The following ANO3 variants were observed in gnomAD, a reference collection of about 807,000 sequenced individuals.
ANO3 encodes anoctamin 3.
ANO3 carries 99 observed loss-of-function variants against 144.8 expected under a neutral mutation model. The observed-to-expected ratio is 0.68, with a 90% CI of 0.58 to 0.81. ANO3 has a LOEUF of 0.81. ANO3 is among the 30% of genes least tolerant of loss of function. The probability of loss-of-function intolerance (pLI) is 0.00; values close to 1 mark genes in which losing one functional copy is unlikely to be tolerated. For synonymous variants in ANO3, 414 were observed against 392.6 expected (o/e 1.05, Z -0.64); for missense variants, 905 against 1,202.2 (o/e 0.75, Z 3.66).
chr11:26,312,454 C>G (rs1033320264), intron 1 of ANO3, among the ~76,000 whole-genome samples: 1 of 152,206 alleles, frequency 6.6e-6, no homozygotes, highest in African/African-American at 2.4e-5. Flanking sequence ...AGTTTACAGT[C>G]CCACCAACAG....
At chr11:26,569,752 A>G (rs1224950369) in intron 14 of ANO3, among the ~76,000 whole-genome samples, 1 of 152,050 alleles carries the variant, frequency 6.6e-6, no homozygotes, top group African/African-American at 2.4e-5. Flanking sequence ...ATCTAACTCT[A>G]TGTTATATAC....
chr11:26,400,639 G>T (rs372433766), intron 1 of ANO3, among the ~76,000 whole-genome samples: 2 of 151,090 alleles, frequency 1.3e-5, no homozygotes, highest in Non-Finnish European at 3.0e-5. Context: ...TAATATGTTT[G>T]CATTCTGTTA....
chr11:26,563,821 C>A (rs1263863668), intron 14 of ANO3, among the ~76,000 whole-genome samples: 1 of 151,820 alleles, frequency 6.6e-6, no homozygotes, highest in Non-Finnish European at 1.5e-5. Flanking sequence ...CAGTGCCTTG[C>A]ATATCAAGAA....
intron 5 of ANO3, among the ~76,000 whole-genome samples, chr11:26,515,395 G>A (rs1185034436): frequency 3.5e-5 from 1 of 28,942 alleles, no homozygotes; most frequent in African/African-American, 1.1e-4. Context: ...CCTCTAATGA[G>A]AAACCAAAAC....
intron 1 of ANO3, among the ~76,000 whole-genome samples, chr11:26,340,173 A>G (rs1253085069): frequency 7.6e-6 from 1 of 132,340 alleles, no homozygotes; most frequent in East Asian, 1.9e-4. Context: ...AATAACTCCT[A>G]AAGTTGTGTA....
intron 5 of ANO3, among the ~76,000 whole-genome samples, chr11:26,511,836 C>T (rs1193892975): frequency 6.6e-6 from 1 of 151,948 alleles, no homozygotes; most frequent in African/African-American, 2.4e-5. Flanking sequence ...TGCCAGATCC[C>T]ACCACAGCAT....
intron 1 of ANO3, among the ~76,000 whole-genome samples, chr11:26,246,328 T>A (rs898092357): frequency 6.6e-6 from 1 of 151,900 alleles, no homozygotes; most frequent in East Asian, 1.9e-4. Context: ...CCAGGAGTGG[T>A]AGTATTTTGT....
chr11:26,615,414 A>ATATATATT (rs1352935016), intron 17 of ANO3, among the ~76,000 whole-genome samples: 2 of 130,700 alleles, frequency 1.5e-5, no homozygotes, highest in African/African-American at 6.0e-5. Context: ...ATATATATAT[A>ATATATATT]TTTTTTTTTT....
At chr11:26,621,231 T>A (rs1409672911) in intron 17 of ANO3, among the ~76,000 whole-genome samples, 1 of 152,186 alleles carries the variant, frequency 6.6e-6, no homozygotes, top group Non-Finnish European at 1.5e-5. Context: ...AAGTCTTAGC[T>A]GAGAATGAAT....
intron 1 of ANO3, among the ~76,000 whole-genome samples, chr11:26,226,194 G>A (rs1443905880): frequency 6.6e-6 from 1 of 151,948 alleles, no homozygotes; most frequent in Non-Finnish European, 1.5e-5. Flanking sequence ...AGGCAAGAAT[G>A]GCAAATTACA....
chr11:26,256,421 T>C (rs1413442604), intron 1 of ANO3, among the ~76,000 whole-genome samples: 1 of 152,164 alleles, frequency 6.6e-6, no homozygotes, highest in Admixed American at 6.5e-5. Context: ...AAATATATAA[T>C]AATTTTTGCC....
At chr11:26,226,292 CT>C (rs1284351063) in intron 1 of ANO3, among the ~76,000 whole-genome samples, 1 of 151,444 alleles carries the variant, frequency 6.6e-6, no homozygotes, top group Admixed American at 6.6e-5. Flanking sequence ...ATTATTAAAT[CT>C]TGATTTATAG....
chr11:26,549,294 T>A (rs1400001084), intron 12 of ANO3, among the ~76,000 whole-genome samples: 2 of 151,998 alleles, frequency 1.3e-5, no homozygotes, highest in Non-Finnish European at 2.9e-5. Flanking sequence ...TGTCACACTA[T>A]AATTAAGATC....
intron 14 of ANO3, among the ~76,000 whole-genome samples, chr11:26,593,571 G>A (rs1313960909): frequency 6.6e-6 from 1 of 152,238 alleles, no homozygotes; most frequent in African/African-American, 2.4e-5. Context: ...ATGGGCTGGC[G>A]CTTGCCCTGG....
intron 1 of ANO3, among the ~76,000 whole-genome samples, chr11:26,200,161 T>A (rs540371540): frequency 6.6e-6 from 1 of 152,278 alleles, no homozygotes; most frequent in African/African-American, 2.4e-5. Flanking sequence ...AGATTGCTTT[T>A]ACTGTAATGT....
At chr11:26,222,187 A>G (rs1247667206) in intron 1 of ANO3, among the ~76,000 whole-genome samples, 1 of 152,268 alleles carries the variant, frequency 6.6e-6, no homozygotes, top group African/African-American at 2.4e-5. Context: ...GGATTTGACC[A>G]GAAGAAAGGG....
At chr11:26,539,578 A>G (rs546616256) in intron 10 of ANO3, among the ~76,000 whole-genome samples, 1 of 152,218 alleles carries the variant, frequency 6.6e-6, no homozygotes, top group Non-Finnish European at 1.5e-5. Flanking sequence ...TAATAAATGT[A>G]TCTATTTCAT....
At chr11:26,451,767 C>T (rs868758821) in intron 3 of ANO3, among the ~76,000 whole-genome samples, 3 of 152,330 alleles carry the variant, frequency 2.0e-5, no homozygotes, top group African/African-American at 7.2e-5. Flanking sequence ...GATCTGAGAA[C>T]AGGCAGACTG....
chr11:26,327,954 G>GTCCCACACA (rs1249423716), upstream of ANO3, among the ~76,000 whole-genome samples: 1 of 152,280 alleles, frequency 6.6e-6, no homozygotes, highest in East Asian at 1.9e-4. Flanking sequence ...CACCTCCTTT[G>GTCCCACACA]TCCCACACAT....
Sources: allele counts gnomAD v4.1 joint callset (sites outside exome capture counted in the v4.1 genomes callset), GRCh38; gene constraint gnomAD v4.1.1; transcripts MANE v1.5; gene names NCBI Gene and HGNC (gene_info 2026-07-23, HGNC 2026-07-21).